The following MAPK10 variants were observed in gnomAD, a reference collection of about 807,000 sequenced individuals.
MAPK10 encodes JNK3 alpha protein kinase.
In MAPK10, 25 loss-of-function variants were observed where a neutral mutation model predicts 59.3. That is an observed-to-expected ratio of 0.42 (90% CI 0.31 to 0.59). The LOEUF (loss-of-function observed/expected upper bound fraction) is 0.59, where lower values mean the gene tolerates loss of function less well. MAPK10 is among the 20% of genes least tolerant of loss of function. The pLI is 0.15. For synonymous variants in MAPK10, 190 were observed against 200.5 expected (o/e 0.95, Z 0.44); for missense variants, 351 against 568.9 (o/e 0.62, Z 3.90).
At chr4:86,091,956 G>A (rs2053299911) in intron 9 of MAPK10, among the ~76,000 whole-genome samples, 1 of 152,066 alleles carries the variant, frequency 6.6e-6, no homozygotes, top group Non-Finnish European at 1.5e-5. Flanking sequence ...ACAGGCATGA[G>A]ACACCATGCC....
intron 10 of MAPK10, among the ~76,000 whole-genome samples, chr4:86,067,233 C>T (rs1362390686): frequency 6.6e-6 from 1 of 152,112 alleles, no homozygotes; most frequent in Non-Finnish European, 1.5e-5. Context: ...CCTCTTCCTC[C>T]TAGGTTCAAG....
intron 1 of MAPK10, among the ~76,000 whole-genome samples, chr4:86,467,589 G>A (rs757333620): frequency 1.5e-4 from 23 of 152,086 alleles, no homozygotes; most frequent in Non-Finnish European, 2.8e-4. Flanking sequence ...GCGCAATCTT[G>A]GCTCACTGCA....
At chr4:86,359,033 G>A (rs73838705) in intron 1 of MAPK10, among the ~76,000 whole-genome samples, 1,636 of 152,006 alleles carry the variant, frequency 0.011, 33 homozygotes, top group African/African-American at 0.038. Flanking sequence ...ATTTAGCCTA[G>A]AGTTGCTCTG....
At chr4:86,458,767 T>C (rs992659277) in intron 1 of MAPK10, among the ~76,000 whole-genome samples, 21 of 152,094 alleles carry the variant, frequency 1.4e-4, no homozygotes, top group Non-Finnish European at 2.4e-4. Flanking sequence ...AAAAATCAAC[T>C]CAAGATGGAT....
chr4:86,065,330 T>C (rs1419608305), intron 10 of MAPK10: 1 of 152,204 alleles, frequency 6.6e-6, no homozygotes, highest in Non-Finnish European at 1.5e-5. Context: ...ATCAATGGAA[T>C]CATGACTTGA....
At position 86,012,535 on chromosome 4, in the gene MAPK10, G is replaced by T. The variant is rs1489956256; in HGVS notation, c.*4693C>A. ...TGATTTTAATAATCCATAAGAAACA[G>T]AAATCATAATATATTGACTCCATAT... On this transcript the variant is annotated 3_prime_UTR_variant, in exon 14 of 14. Transcript: ENST00000641462. 2 of 152,152 alleles carry T rather than the reference G, an allele frequency of 1.3e-5. No homozygotes were observed. Among genetic ancestry groups the T allele is most frequent in the African/African-American group, 4.8e-5 (2 of 41,454 alleles). 9.4% of individuals were successfully genotyped at this position (152,152 alleles called of 1,614,324 possible).
intron 9 of MAPK10, among the ~76,000 whole-genome samples, chr4:86,079,121 GTAAC>G (rs1274418370): frequency 6.6e-6 from 1 of 152,096 alleles, no homozygotes; most frequent in Non-Finnish European, 1.5e-5. Flanking sequence ...ATAAACAATT[GTAAC>G]TAACATCTGT....
At chr4:86,395,093 C>A (rs1298558942) in intron 1 of MAPK10, among the ~76,000 whole-genome samples, 1 of 152,090 alleles carries the variant, frequency 6.6e-6, no homozygotes, top group African/African-American at 2.4e-5. Flanking sequence ...TATGTCATTG[C>A]AGCCTTCAAT....
intron 1 of MAPK10, among the ~76,000 whole-genome samples, chr4:86,555,801 A>C (rs1760221229): frequency 6.6e-6 from 1 of 152,220 alleles, no homozygotes; most frequent in Non-Finnish European, 1.5e-5. Flanking sequence ...TATTGAAACA[A>C]TTAGATAAAT....
intron 1 of MAPK10, among the ~76,000 whole-genome samples, chr4:86,520,454 C>T (rs373364670): frequency 6.6e-6 from 1 of 151,942 alleles, no homozygotes; most frequent in Non-Finnish European, 1.5e-5. Context: ...TCTTTCATTT[C>T]CGTAAGTTGT....
At chr4:86,319,271 G>T (rs557886861) in intron 2 of MAPK10, among the ~76,000 whole-genome samples, 2 of 152,226 alleles carry the variant, frequency 1.3e-5, no homozygotes, top group South Asian at 4.2e-4. Context: ...GAGAAGCCGT[G>T]CCGGGGCCAG....
At position 86,305,279 on chromosome 4, in the gene MAPK10, TC is replaced by T. The variant is rs151319418; in HGVS notation, c.-7+49250del. On this transcript the variant is annotated intron_variant, in intron 2 of 13. Coordinates refer to ENST00000641462, the MANE Select transcript of MAPK10 (RefSeq NM_138982.4). ...GTTTCATATTAGGAAAAGACTCCCA[TC>T]CATAAATGCTAACCTAGTAAAGAGT... Among the ~76,000 whole-genome samples, 1,340 of 152,274 alleles carry T rather than the reference TC, an allele frequency of 8.8e-3. 24 individuals are homozygous for T. The highest frequency in any genetic ancestry group is 0.03 in the African/African-American group (1,265 of 41,544).
intron 1 of MAPK10, among the ~76,000 whole-genome samples, chr4:86,520,707 G>A (rs1280015306): frequency 2.0e-5 from 3 of 152,150 alleles, no homozygotes; most frequent in African/African-American, 7.2e-5. Flanking sequence ...CATATGAACA[G>A]TTACTTTTTG....
chr4:86,289,934 G>A (rs764827166), intron 2 of MAPK10, among the ~76,000 whole-genome samples: 1 of 152,120 alleles, frequency 6.6e-6, no homozygotes, highest in Non-Finnish European at 1.5e-5. Context: ...CTGAGGTGGA[G>A]AAAAATAAGG....
intron 1 of MAPK10, among the ~76,000 whole-genome samples, chr4:86,548,443 A>G (rs994240344): frequency 1.3e-5 from 2 of 152,164 alleles, no homozygotes; most frequent in African/African-American, 4.8e-5. Context: ...TTCCGGACAC[A>G]ATAGTAGATA....
intron 2 of MAPK10, among the ~76,000 whole-genome samples, chr4:86,317,714 T>C: frequency 6.6e-6 from 1 of 152,194 alleles, no homozygotes; most frequent in East Asian, 1.9e-4. Context: ...CCAGGCTACA[T>C]AAGGATGCCA....
chr4:86,406,209 A>C (rs1744340524), intron 1 of MAPK10, among the ~76,000 whole-genome samples: 1 of 152,192 alleles, frequency 6.6e-6, no homozygotes, highest in African/African-American at 2.4e-5. Context: ...AGCTTACAGC[A>C]GTGCTAATCA....
chr4:86,464,312 T>C (rs1752003162), intron 1 of MAPK10, among the ~76,000 whole-genome samples: 1 of 152,246 alleles, frequency 6.6e-6, no homozygotes, highest in African/African-American at 2.4e-5. Flanking sequence ...AAGCTTCTTA[T>C]TCTGGATCAA....
At chr4:86,249,877 C>A (rs1265176482) in intron 2 of MAPK10, among the ~76,000 whole-genome samples, 1 of 152,076 alleles carries the variant, frequency 6.6e-6, no homozygotes, top group Non-Finnish European at 1.5e-5. Context: ...TACAATGATA[C>A]CAAAACAAAC....
Sources: gnomAD v4.1 joint callset for allele counts (sites outside exome capture counted in the v4.1 genomes callset) on GRCh38, gnomAD v4.1.1 for gene constraint, MANE v1.5 for transcripts, NCBI Gene and HGNC (gene_info 2026-07-23, HGNC 2026-07-21) for gene names.